The following KIAA1217 variants were observed in gnomAD, a reference collection of about 807,000 sequenced individuals.
The protein encoded by KIAA1217 is sickle tail protein homolog.
Under a neutral mutation model 163.9 loss-of-function variants are expected in KIAA1217, and 88 were observed. The observed-to-expected ratio is 0.54, with a 90% confidence interval of 0.45 to 0.64. The LOEUF (loss-of-function observed/expected upper bound fraction) is 0.64, where lower values mean the gene tolerates loss of function less well. KIAA1217 is among the 30% of genes least tolerant of loss of function. KIAA1217 has a pLI of 0.00. For missense variants in KIAA1217, 2,372 were observed against 2,475.0 expected (o/e 0.96, Z 0.88); for synonymous variants, 903 against 923.1 (o/e 0.98, Z 0.39).
intron 2 of KIAA1217, among the ~76,000 whole-genome samples, chr10:24,269,529 A>AC (rs1469191407): frequency 1.3e-5 from 2 of 152,182 alleles, no homozygotes; most frequent in African/African-American, 4.8e-5. Flanking sequence ...GACTTAAAAA[A>AC]CAAAAAGATT....
intron 2 of KIAA1217, among the ~76,000 whole-genome samples, chr10:24,039,191 A>T (rs1589270951): frequency 6.6e-6 from 1 of 151,962 alleles, no homozygotes; most frequent in Admixed American, 6.6e-5. Flanking sequence ...TGGAAAAACC[A>T]CCCTGGCCTA....
chr10:24,407,281 TGTGTGCGTGC>T (rs1269778532), intron 3 of KIAA1217, among the ~76,000 whole-genome samples: 4 of 148,162 alleles, frequency 2.7e-5, no homozygotes, highest in South Asian at 2.1e-4. Flanking sequence ...TGTGTGTGTG[TGTGTGCGTGC>T]GTGTGCGTGC....
intron 1 of KIAA1217, among the ~76,000 whole-genome samples, chr10:23,977,931 C>T (rs1366659042): frequency 6.6e-6 from 1 of 152,168 alleles, no homozygotes; most frequent in Non-Finnish European, 1.5e-5. Flanking sequence ...TGTACACAGG[C>T]TACTCCTTAA....
intron 2 of KIAA1217, among the ~76,000 whole-genome samples, chr10:24,078,821 C>A (rs113179367): frequency 6.0e-4 from 91 of 152,208 alleles, no homozygotes; most frequent in Non-Finnish European, 1.0e-3. Context: ...CCTTCTGTGG[C>A]CCGTCTGTTC....
At chr10:23,926,401 A>C (rs1454007358) in intron 1 of KIAA1217, among the ~76,000 whole-genome samples, 1 of 152,204 alleles carries the variant, frequency 6.6e-6, no homozygotes, top group African/African-American at 2.4e-5. Context: ...AATGCTGTCA[A>C]TATTTCCATA....
At chr10:24,529,028 C>T (rs77447872) in intron 14 of KIAA1217, among the ~76,000 whole-genome samples, 30 of 152,184 alleles carry the variant, frequency 2.0e-4, no homozygotes, top group South Asian at 1.0e-3. Flanking sequence ...ATTATGGACC[C>T]GGATGTTATT....
At chr10:24,024,114 A>G (rs1187356127) in intron 2 of KIAA1217, among the ~76,000 whole-genome samples, 1 of 151,572 alleles carries the variant, frequency 6.6e-6, no homozygotes, top group South Asian at 2.1e-4. Flanking sequence ...AAAATCTCCT[A>G]AGTTTTATTT....
intron 3 of KIAA1217, among the ~76,000 whole-genome samples, chr10:24,415,484 T>C (rs1336137199): frequency 6.6e-6 from 1 of 151,746 alleles, no homozygotes; most frequent in African/African-American, 2.4e-5. Flanking sequence ...CCACTTGCTC[T>C]TGGGGAAAAA....
intron 2 of KIAA1217, among the ~76,000 whole-genome samples, chr10:24,101,140 A>G (rs2062397427): frequency 6.6e-6 from 1 of 152,234 alleles, no homozygotes; most frequent in Non-Finnish European, 1.5e-5. Context: ...CAATTTTTGG[A>G]GTCAAATCAC....
At chr10:24,435,058 C>T (rs2059915674) in intron 4 of KIAA1217, among the ~76,000 whole-genome samples, 1 of 152,180 alleles carries the variant, frequency 6.6e-6, no homozygotes, top group East Asian at 1.9e-4. Context: ...ATGGGTACCA[C>T]TTTTAAAAAA....
intron 2 of KIAA1217, among the ~76,000 whole-genome samples, chr10:24,160,393 T>A (rs2065067601): frequency 6.6e-6 from 1 of 152,198 alleles, no homozygotes; most frequent in African/African-American, 2.4e-5. Flanking sequence ...CTTCTTTAAC[T>A]TTTTAAGCCA....
intron 2 of KIAA1217, among the ~76,000 whole-genome samples, chr10:24,340,665 G>T (rs765452252): frequency 9.9e-5 from 15 of 152,044 alleles, no homozygotes; most frequent in African/African-American, 3.6e-4. Context: ...GCCAGACAAG[G>T]CTCCGCTGGC....
intron 1 of KIAA1217, among the ~76,000 whole-genome samples, chr10:23,980,541 G>A (rs1046402104): frequency 9.9e-5 from 15 of 152,142 alleles, no homozygotes; most frequent in South Asian, 2.1e-4. Context: ...AGTGTCCCTC[G>A]GGTTTTGTGT....
At chr10:24,398,734 G>C (rs568635790) in intron 3 of KIAA1217, among the ~76,000 whole-genome samples, 1 of 152,060 alleles carries the variant, frequency 6.6e-6, no homozygotes, top group African/African-American at 2.4e-5. Flanking sequence ...AGAGTTGAGC[G>C]TGCACAGTGT....
Position 24,494,806 on chromosome 10 carries a change from T to A in KIAA1217, c.1784+202T>A, listed in dbSNP as rs72776786. On this transcript the variant is annotated intron_variant, in intron 7 of 20. Transcript: ENST00000376454. ...CTTTCCTCCTTCTGGTAATTCTTGG[T>A]CGAAAGTAACACTTTGGCCCAAGAA... is the stretch of plus-strand genomic sequence containing the variant. Among the ~76,000 whole-genome samples the A allele has an allele frequency of 8.2e-3, 1,252 of 152,290 alleles. 11 individuals are homozygous for A. The highest frequency in any genetic ancestry group is 0.013 in the Non-Finnish European group (891 of 68,008).
At chr10:24,534,881 C>CAAAA (rs71506838) in intron 16 of KIAA1217, among the ~76,000 whole-genome samples, 2 of 71,832 alleles carry the variant, frequency 2.8e-5, no homozygotes, top group Non-Finnish European at 5.3e-5. Flanking sequence ...AACTCTGTCT[C>CAAAA]AAAAAAAAAA....
intron 2 of KIAA1217, among the ~76,000 whole-genome samples, chr10:24,148,090 A>C (rs1211811908): frequency 2.6e-5 from 4 of 152,130 alleles, no homozygotes; most frequent in African/African-American, 9.7e-5. Context: ...TTTTCTAAAA[A>C]TAAGTTGCCT....
intron 1 of KIAA1217, among the ~76,000 whole-genome samples, chr10:23,790,543 G>GTATATATACATATATA (rs1491339585): frequency 2.0e-5 from 2 of 99,608 alleles, no homozygotes; most frequent in South Asian, 2.8e-4. Context: ...ATATACATGT[G>GTATATATACATATATA]CATATATACA....
chr10:23,838,849 T>C (rs1435802378), intron 1 of KIAA1217, among the ~76,000 whole-genome samples: 1 of 152,212 alleles, frequency 6.6e-6, no homozygotes, highest in Non-Finnish European at 1.5e-5. Flanking sequence ...CTTAGGACTT[T>C]CTTAAATTCA....
Sources: allele counts gnomAD v4.1 joint callset (sites outside exome capture counted in the v4.1 genomes callset), GRCh38; gene constraint gnomAD v4.1.1; transcripts MANE v1.5; gene names NCBI Gene and HGNC (gene_info 2026-07-23, HGNC 2026-07-21).